The following SERF2 variants were observed in gnomAD, a reference collection of about 807,000 sequenced individuals.
SERF2 encodes the protein gastric cancer-related protein VRG107.
In SERF2, 4 loss-of-function variants were observed where a neutral mutation model predicts 10.7. The observed-to-expected ratio is 0.37, with a 90% confidence interval of 0.18 to 0.86. The LOEUF is 0.86. Ranked by LOEUF, SERF2 falls within the 40% of genes least tolerant of loss-of-function variation. The pLI is 0.43. For synonymous variants in SERF2, 26 were observed against 26.0 expected, an observed-to-expected ratio of 1.00 and a Z score of 0.01; for missense variants, 47 against 79.1, an observed-to-expected ratio of 0.59 and a Z score of 1.54.
upstream of SERF2, among the ~76,000 whole-genome samples, chr15:43,787,547 G>A (rs778500186): frequency 8.5e-5 from 13 of 152,230 alleles, no homozygotes; most frequent in East Asian, 1.9e-4. Flanking sequence ...GCGGGCATGC[G>A]CCGCCATGCC....
chr15:43,789,958 T>A (rs1263778730), upstream of SERF2, among the ~76,000 whole-genome samples: 1 of 151,922 alleles, frequency 6.6e-6, no homozygotes, highest in Non-Finnish European at 1.5e-5. Flanking sequence ...CTGACCAACA[T>A]GGTTAAAGCC....
chr15:43,793,525 T>TG (rs2087122307), intron 2 of SERF2, 185 bp from the exon 3 acceptor site: 1 of 1,471,128 alleles, frequency 6.8e-7, no homozygotes. Context: ...AACAGCCAGA[T>TG]GGAGACTGGT....
intron 2 of SERF2, among the ~76,000 whole-genome samples, chr15:43,786,788 T>C (rs1394702291): frequency 6.6e-6 from 1 of 152,186 alleles, no homozygotes; most frequent in Admixed American, 6.5e-5. Context: ...GGCTCTCTTC[T>C]AGGTGATAGA....
At chr15:43,784,898 G>A (rs550874721) in intron 1 of SERF2, among the ~76,000 whole-genome samples, 297 of 151,468 alleles carry the variant, frequency 2.0e-3, no homozygotes, top group African/African-American at 7.0e-3. Context: ...GACTATAGGC[G>A]CGCACCATCA....
chr15:43,791,860 C>G (rs565719145), upstream of SERF2: 1 of 163,574 alleles, frequency 6.1e-6, no homozygotes, highest in African/African-American at 2.4e-5. Flanking sequence ...GTGAACAACT[C>G]GTGTCCAAAT....
intron 2 of SERF2, among the ~76,000 whole-genome samples, chr15:43,786,414 C>CG (rs1491096192): frequency 1.4e-5 from 1 of 68,994 alleles, no homozygotes; most frequent in Non-Finnish European, 3.1e-5. Flanking sequence ...GACTCTGTCT[C>CG]AAAAAAAAAA....
chr15:43,792,331 G>T lies in SERF2; in HGVS notation c.-46G>T, dbSNP rs1256586568. The T allele has an allele frequency of 6.6e-7, 1 of 1,515,282 alleles. No homozygotes were observed. Among genetic ancestry groups the T allele is most frequent in the South Asian group, 1.1e-5 (1 of 89,118 alleles). 93.9% of individuals were successfully genotyped at this position (1,515,282 alleles called of 1,614,324 possible). On this transcript the variant is annotated 5_prime_UTR_variant, in exon 1 of 3. Coordinates refer to ENST00000249786, the MANE Select transcript of SERF2 (RefSeq NM_001018108.4). Reference sequence around the variant, plus strand: ...GGGGCGGGACCTGCAACGTCCGACAGAACGAGGGGACGTAACGGAGGCAGG... The same window carrying T: ...GGGGCGGGACCTGCAACGTCCGACATAACGAGGGGACGTAACGGAGGCAGG...
rs538292919 is a variant in SERF2 at position 43,794,007 on chromosome 15, T to TG, written c.*238dup. On this transcript the variant is annotated 3_prime_UTR_variant, in exon 3 of 3. Transcript: ENST00000249786. ...CCCTTCCCAGTGTTTTTTATTCCTG[T>TG]GGGGCTCACCCCAAAGTATTAAAAG... 1,252 of 1,476,072 alleles carry TG rather than the reference T, an allele frequency of 8.5e-4. 3 individuals are homozygous for TG. Among genetic ancestry groups the TG allele is most frequent in the Non-Finnish European group, 1.0e-3 (1,165 of 1,114,260 alleles). The allele number at this position is 1,476,072 out of a possible 1,614,324, so 91.4% of individuals were successfully genotyped here. A position where few individuals can be genotyped will look rare whatever the true frequency, so the allele number is the denominator to read the frequency against.
intron 2 of SERF2, among the ~76,000 whole-genome samples, chr15:43,786,234 T>G (rs2087005816): frequency 6.6e-6 from 1 of 151,318 alleles, no homozygotes; most frequent in African/African-American, 2.4e-5. Flanking sequence ...ACTAACACGG[T>G]GAAACCCTGT....
At chr15:43,790,523 G>A (rs896627107), upstream of SERF2, among the ~76,000 whole-genome samples, 2 of 151,912 alleles carry the variant, frequency 1.3e-5, no homozygotes, top group Admixed American at 1.3e-4. Context: ...TTGCACTTTG[G>A]GGGGCCAAGG....
In SERF2 at chr15:43,795,544, GGA is replaced by G. The variant is rs762700601; in HGVS notation, c.*1777_*1778del. 2.5e-6 allele frequency: 4 copies of G among 1,614,106 alleles called. No individual in the cohort carries two copies. The highest frequency in any genetic ancestry group is 1.7e-6 in the Non-Finnish European group (2 of 1,180,008). ...CCTCGCAGCCCCACCCCTTTGCCCT[GGA>G]GAGAGGAAATGGCTGCTGGGAGCAG... On this transcript the variant is annotated 3_prime_UTR_variant, in exon 3 of 3. Transcript: ENST00000249786.
At chr15:43,788,710 G>A (rs1362938358), upstream of SERF2, among the ~76,000 whole-genome samples, 1 of 152,172 alleles carries the variant, frequency 6.6e-6, no homozygotes, top group Non-Finnish European at 1.5e-5. Flanking sequence ...CTAATGAAGA[G>A]CACAGGCTGG....
intron 2 of SERF2, chr15:43,793,290 C>T (rs918591370): frequency 1.8e-6 from 1 of 570,138 alleles, no homozygotes; most frequent in African/African-American, 1.9e-5. Flanking sequence ...GGCGCCTGCC[C>T]TCAGTCTGAT....
At chr15:43,782,500 T>C (rs1440148817) in intron 1 of SERF2, among the ~76,000 whole-genome samples, 1 of 152,214 alleles carries the variant, frequency 6.6e-6, no homozygotes, top group Non-Finnish European at 1.5e-5. Context: ...CCTCTTAGTA[T>C]AACCAAATAC....
At position 43,795,970 on chromosome 15, in the gene SERF2, G is replaced by A; in HGVS notation, c.*2197G>A. ...CAAATACCTACCTCACAGGGTTGTT[G>A]TGAGGGTTAAATTAAATGAGATTAT... On this transcript the variant is annotated 3_prime_UTR_variant, in exon 3 of 3. Transcript: ENST00000249786. The A allele has an allele frequency of 3.1e-6, 2 of 645,104 alleles. No individual in the cohort carries two copies. The highest frequency in any genetic ancestry group is 3.9e-5 in the South Asian group (2 of 51,510). The allele number at this position is 645,104 out of a possible 1,614,324, so 40.0% of individuals were successfully genotyped here. A position where few individuals can be genotyped will look rare whatever the true frequency, so the allele number is the denominator to read the frequency against.
chr15:43,793,690 C>T lies in SERF2; in HGVS notation c.117-20C>T, dbSNP rs768705094. ...TTTGCCCTCTGGTACCTCCCAGTGC[C>T]CCATCATCTCTACCCCCAGGGACTC... On this transcript the variant is annotated intron_variant, in intron 2 of 2. Coordinates refer to ENST00000249786, the MANE Select transcript of SERF2 (RefSeq NM_001018108.4). The T allele has an allele frequency of 1.2e-6, 2 of 1,614,170 alleles. No homozygotes were observed. Among genetic ancestry groups the T allele is most frequent in the South Asian group, 1.1e-5 (1 of 91,088 alleles).
upstream of SERF2, among the ~76,000 whole-genome samples, chr15:43,787,813 C>T (rs2087020046): frequency 6.6e-6 from 1 of 151,904 alleles, no homozygotes; most frequent in Non-Finnish European, 1.5e-5. Context: ...ATCCTTCCAC[C>T]TCACACCCTC....
chr15:43,778,971 G>A (rs940339985), intron 1 of SERF2, among the ~76,000 whole-genome samples: 2 of 152,146 alleles, frequency 1.3e-5, no homozygotes, highest in Non-Finnish European at 2.9e-5. Context: ...ATAGGATCAA[G>A]AAAAAGTTTT....
At chr15:43,780,931 C>G (rs1282542244) in intron 1 of SERF2, among the ~76,000 whole-genome samples, 1 of 152,060 alleles carries the variant, frequency 6.6e-6, no homozygotes, top group African/African-American at 2.4e-5. Flanking sequence ...TAAATCTTAG[C>G]TAACTCAGCA....
Sources: gnomAD v4.1 joint callset for allele counts (sites outside exome capture counted in the v4.1 genomes callset) on GRCh38, gnomAD v4.1.1 for gene constraint, MANE v1.5 for transcripts, NCBI Gene and HGNC (gene_info 2026-07-23, HGNC 2026-07-21) for gene names.